Variants in PKD1L3 observed in about 807,000 individuals in gnomAD.
PKD1L3 encodes the protein polycystin-1-like protein 3.
Under a neutral mutation model 184.1 loss-of-function variants are expected in PKD1L3, and 239 were observed. The observed-to-expected ratio is 1.30, with a 90% CI of 1.17 to 1.45. PKD1L3 has a LOEUF of 1.45. Among genes scored for constraint, PKD1L3 ranks in the 40% most tolerant of loss-of-function variants. The probability of loss-of-function intolerance (pLI) is 0.00; values close to 1 mark genes in which losing one functional copy is unlikely to be tolerated. For synonymous variants in PKD1L3, 996 were observed against 778.8 expected (o/e 1.28, Z -4.64); for missense variants, 2,660 against 2,067.2 (o/e 1.29, Z -5.56).
At chr16:71,933,619 G>T (rs2038069206) in intron 27 of PKD1L3, 98 bp from the exon 28 acceptor site, 1 of 920,424 alleles carries the variant, frequency 1.1e-6, no homozygotes, top group African/African-American at 1.7e-5. Context: ...CAATGGAACA[G>T]AAATTCCTTG....
At chr16:71,940,492 G>A (rs957156928) in intron 24 of PKD1L3, among the ~76,000 whole-genome samples, 2 of 151,764 alleles carry the variant, frequency 1.3e-5, no homozygotes, top group South Asian at 4.2e-4. Context: ...ACAGAGCTTT[G>A]TTTTTTATTT....
intron 24 of PKD1L3, among the ~76,000 whole-genome samples, chr16:71,941,033 A>C (rs1416299847): frequency 6.6e-6 from 1 of 150,806 alleles, no homozygotes; most frequent in Non-Finnish European, 1.5e-5. Flanking sequence ...ACGAGGTTTC[A>C]CACCATGTTG....
At chr16:71,947,947 C>T (rs1414435088) in intron 21 of PKD1L3, among the ~76,000 whole-genome samples, 2 of 147,228 alleles carry the variant, frequency 1.4e-5, no homozygotes, top group Non-Finnish European at 1.5e-5. Flanking sequence ...GACGGAGTCT[C>T]GCTCTGTCAC....
At chr16:71,978,072 C>A (rs1198930116) in intron 10 of PKD1L3, among the ~76,000 whole-genome samples, 183 bp downstream of exon 10, 1 of 152,162 alleles carries the variant, frequency 6.6e-6, no homozygotes, top group Non-Finnish European at 1.5e-5. Context: ...CTGCGCCCAG[C>A]CCTTTAAAAC....
intron 24 of PKD1L3, among the ~76,000 whole-genome samples, chr16:71,939,112 G>A (rs1195736986): frequency 6.6e-6 from 1 of 152,228 alleles, no homozygotes; most frequent in Non-Finnish European, 1.5e-5. Flanking sequence ...TTCCTCAGAT[G>A]CAGTTACCCA....
intron 5 of PKD1L3, among the ~76,000 whole-genome samples, chr16:71,984,601 T>G (rs538858984): frequency 6.6e-6 from 1 of 152,320 alleles, no homozygotes; most frequent in South Asian, 2.1e-4. Context: ...GGCTCACGCC[T>G]GTCATCCCAG....
chr16:71,935,800 C>T (rs1300984361), intron 25 of PKD1L3, among the ~76,000 whole-genome samples: 1 of 152,156 alleles, frequency 6.6e-6, no homozygotes, highest in Non-Finnish European at 1.5e-5. Flanking sequence ...ACAAAAGTTT[C>T]TTTCTTTGAG....
At chr16:71,945,797 G>C (rs1437256791) in intron 22 of PKD1L3, among the ~76,000 whole-genome samples, 1 of 152,156 alleles carries the variant, frequency 6.6e-6, no homozygotes, top group Non-Finnish European at 1.5e-5. Flanking sequence ...AAGAAAGTCA[G>C]AGAAGGCGCC....
At chr16:71,945,386 A>ATT (rs1251843363) in intron 22 of PKD1L3, among the ~76,000 whole-genome samples, 1,717 of 47,692 alleles carry the variant, frequency 0.036, 45 homozygotes, top group African/African-American at 0.13. Flanking sequence ...ACACACACAT[A>ATT]TATATATATA....
chr16:71,947,867 A>G (rs1413695422), intron 21 of PKD1L3, among the ~76,000 whole-genome samples: 1 of 151,178 alleles, frequency 6.6e-6, no homozygotes. Context: ...TGTGTTGTCT[A>G]TTCAATAACA....
intron 16 of PKD1L3, among the ~76,000 whole-genome samples, chr16:71,962,594 C>G (rs1237820357): frequency 6.6e-6 from 1 of 152,114 alleles, no homozygotes; most frequent in East Asian, 1.9e-4. Context: ...TCAAGCAGTT[C>G]TCCTACCTTA....
At chr16:71,980,717 C>T (rs953155869) in intron 7 of PKD1L3, among the ~76,000 whole-genome samples, 1 of 152,164 alleles carries the variant, frequency 6.6e-6, no homozygotes, top group Non-Finnish European at 1.5e-5. Context: ...CACCTGTAGT[C>T]TCAGCTACTT....
At chr16:71,965,404 T>C (rs1224443407) in intron 15 of PKD1L3, among the ~76,000 whole-genome samples, 1 of 152,162 alleles carries the variant, frequency 6.6e-6, no homozygotes. Flanking sequence ...CCTATGAGTG[T>C]GATTTCTGGG....
rs1284990309 is a variant in PKD1L3 at position 71,937,348 on chromosome 16, A to G, written c.4396T>C (p.Ser1466Pro). The part of the protein sequence containing the change: ...LQMSKKGCVW[S>P]IISQVIYYLL... ...TAATAGATGACTTGTGAGATGATAG[A>G]CCAGACACAGCCCTTCTTTGACATC... The change falls in exon 25 of 30, where the codon TCT becomes CCT. Residue 1466 changes from serine to proline, a missense_variant. By Grantham distance (74) the Ser-to-Pro change is moderately conservative. Coordinates refer to ENST00000620267, the MANE Select transcript of PKD1L3 (RefSeq NM_181536.2). 1.9e-6 allele frequency: 3 copies of G among 1,551,572 alleles called. No homozygotes were observed. In the African/African-American group the frequency reaches 4.1e-5, roughly 21 times the overall value.
chr16:71,948,986 G>GT (rs1329078007), intron 21 of PKD1L3, among the ~76,000 whole-genome samples: 32 of 151,936 alleles, frequency 2.1e-4, no homozygotes, highest in African/African-American at 7.2e-4. Flanking sequence ...ATACAGAACA[G>GT]TCTGTATCTT....
chr16:71,955,356 G>A (rs2039003694), intron 16 of PKD1L3, among the ~76,000 whole-genome samples: 4 of 151,856 alleles, frequency 2.6e-5, no homozygotes, highest in Non-Finnish European at 4.4e-5. Context: ...TAATTTAATG[G>A]GACCCAGGAG....
Position 71,949,890 on chromosome 16 carries a change from A to G in PKD1L3, c.3511T>C (p.Phe1171Leu). The G allele has an allele frequency of 6.4e-7, 1 of 1,551,702 alleles. No homozygotes were observed. The highest frequency in any genetic ancestry group is 2.4e-5 in the East Asian group (1 of 40,924). Reference sequence around the variant, plus strand: ...AATTCCAAGCTATAAAGTGCTGTAAAAAAGGCTGAAGCCAGGCTAGTGAAA... The same window carrying G: ...AATTCCAAGCTATAAAGTGCTGTAAGAAAGGCTGAAGCCAGGCTAGTGAAA... ...LGFTSLASAF[F>L]TALYSLELSK... Residue 1171 changes from phenylalanine (F) to leucine (L), a missense_variant, in exon 21 of 30, where the codon TTT becomes CTT. Physicochemically the swap from Phe to Leu is conservative, Grantham distance 22. Coordinates refer to ENST00000620267, the MANE Select transcript of PKD1L3 (RefSeq NM_181536.2).
intron 12 of PKD1L3, among the ~76,000 whole-genome samples, chr16:71,971,174 T>G (rs1361266855): frequency 6.6e-6 from 1 of 152,228 alleles, no homozygotes; most frequent in Admixed American, 6.5e-5. Flanking sequence ...TAGAGAGGGA[T>G]ACTCAGAGGG....
chr16:71,965,208 A>T (rs2039455911), intron 15 of PKD1L3, among the ~76,000 whole-genome samples: 1 of 152,166 alleles, frequency 6.6e-6, no homozygotes, highest in Non-Finnish European at 1.5e-5. Context: ...TCATCCACGT[A>T]GTCATATGTA....
Sources: gnomAD v4.1 joint callset for allele counts (sites outside exome capture counted in the v4.1 genomes callset) on GRCh38, gnomAD v4.1.1 for gene constraint, MANE v1.5 for transcripts, NCBI Gene and HGNC (gene_info 2026-07-23, HGNC 2026-07-21) for gene names.